Variants in COPB1 observed in about 807,000 individuals in gnomAD.
COPB1 encodes coat protein complex I subunit beta 1, also known as coatomer subunit beta.
A neutral mutation model predicts 108.7 loss-of-function variants in COPB1; 21 were observed. That is an observed-to-expected ratio of 0.19 (90% CI 0.14 to 0.28). The LOEUF (loss-of-function observed/expected upper bound fraction) is 0.28, where lower values mean the gene tolerates loss of function less well. COPB1 is among the 10% of genes least tolerant of loss of function. The pLI, the probability that COPB1 is intolerant of heterozygous loss-of-function variation, is 1.00. For synonymous variants in COPB1, 378 were observed against 386.8 expected (o/e 0.98, Z 0.27); for missense variants, 919 against 1,141.3 (o/e 0.81, Z 2.81).
Position 14,498,969 on chromosome 11 carries a change from T to A in COPB1, c.-41A>T. 6.7e-7 allele frequency: 1 copy of A among 1,484,724 alleles called. No homozygotes were observed. The highest frequency in any genetic ancestry group is 9.2e-7 in the Non-Finnish European group (1 of 1,088,648). 92.0% of individuals were successfully genotyped at this position (1,484,724 alleles called of 1,614,324 possible). A position where few individuals can be genotyped will look rare whatever the true frequency, so the allele number is the denominator to read the frequency against. On this transcript the variant is annotated 5_prime_UTR_variant, in exon 2 of 22. Coordinates refer to ENST00000439561, the MANE Select transcript of COPB1 (RefSeq NM_001144061.2). ...TATAACCAATCCTTGACACAAGATT[T>A]AAGGATGCCAGAAAATCTAGAAAAA...
intron 9 of COPB1, 25 bp from the exon 10 acceptor site, chr11:14,480,930 TGA>T: frequency 6.2e-7 from 1 of 1,613,496 alleles, no homozygotes. Context: ...TAAAAATAAG[TGA>T]GAGTTACATC....
chr11:14,472,296 A>C (rs1444038296), intron 14 of COPB1, among the ~76,000 whole-genome samples: 1 of 152,240 alleles, frequency 6.6e-6, no homozygotes, highest in Non-Finnish European at 1.5e-5. Context: ...GTCAATGAAC[A>C]GTAATATTTT....
chr11:14,473,770 A>G, intron 14 of COPB1, among the ~76,000 whole-genome samples: 1 of 152,026 alleles, frequency 6.6e-6, no homozygotes, highest in East Asian at 1.9e-4. Context: ...TGAAGTGAGC[A>G]TATGCTTATT....
chr11:14,483,041 T>C lies in COPB1; in HGVS notation c.948A>G (p.Arg316=). 6.4e-7 allele frequency: 1 copy of C among 1,567,400 alleles called. No individual in the cohort carries two copies. The highest frequency in any genetic ancestry group is 8.7e-7 in the Non-Finnish European group (1 of 1,146,116). ...IELKEHPAHE[R]VLQDLVMDIL... The stretch of plus-strand genomic sequence containing the variant: ...TTCAGATAACACTTACCTGTAGTAC[T>C]CGTTCATGAGCAGGATGCTCTTTTA... Residue 316 remains arginine, a synonymous_variant, in exon 8 of 22, where the codon CGA becomes CGG. Coordinates refer to ENST00000439561, the MANE Select transcript of COPB1 (RefSeq NM_001144061.2).
At position 14,457,794 on chromosome 11, in the gene COPB1, T is replaced by C. The variant is rs755010104; in HGVS notation, c.*30A>G. The C allele has an allele frequency of 2.8e-6, 4 of 1,423,282 alleles. No homozygotes were observed. Among genetic ancestry groups the C allele is most frequent in the South Asian group, 2.3e-5 (2 of 85,974 alleles). 88.2% of individuals were successfully genotyped at this position (1,423,282 alleles called of 1,614,324 possible). ...CCAGTAAGCCCATACCTAAATTAAC[T>C]GTAAAGCTTCAAGGACTTTTTGTTT... is the stretch of plus-strand genomic sequence containing the variant. On this transcript the variant is annotated 3_prime_UTR_variant, in exon 22 of 22. Coordinates refer to ENST00000439561, the MANE Select transcript of COPB1 (RefSeq NM_001144061.2).
intron 20 of COPB1, among the ~76,000 whole-genome samples, chr11:14,459,764 G>A (rs968430893): frequency 4.0e-5 from 6 of 151,840 alleles, no homozygotes; most frequent in Admixed American, 1.3e-4. Flanking sequence ...TTACAGGCAC[G>A]TGCCACCACA....
chr11:14,478,135 T>C (rs1441800498), intron 11 of COPB1, among the ~76,000 whole-genome samples: 1 of 152,106 alleles, frequency 6.6e-6, no homozygotes, highest in African/African-American at 2.4e-5. Context: ...AGATTAAAAG[T>C]AAAATAACTG....
chr11:14,465,939 T>C (rs1850271860), intron 17 of COPB1, among the ~76,000 whole-genome samples: 1 of 152,184 alleles, frequency 6.6e-6, no homozygotes, highest in South Asian at 2.1e-4. Flanking sequence ...ATTCAGAAAA[T>C]ACTTAGTTCT....
rs756814108 is a variant in COPB1, at chr11:14,458,612, T to G, written c.2722A>C (p.Asn908His). Residue 908 changes from asparagine (N) to histidine (H), a missense_variant, in exon 21 of 22, where the codon AAT (asparagine) becomes CAT (histidine). Physicochemically the swap from Asn to His is moderately conservative, Grantham distance 68. This residue lies in a region of COPB1 where 705 missense variants were observed against 817.8 expected (regional missense o/e 0.86). Transcript: ENST00000439561. ...RSIFGEDALA[N>H]VSIEKPIHQG... ...TGAATTGGCTTCTCAATGCTGACAT[T>G]TGCAAGTGCATCTTCACCAAATATG... 3 of 1,614,004 alleles carry G rather than the reference T, an allele frequency of 1.9e-6. No individual in the cohort carries two copies. Among genetic ancestry groups the G allele is most frequent in the Non-Finnish European group, 2.5e-6 (3 of 1,179,984 alleles).
At chr11:14,495,204 T>G (rs531584470) in intron 2 of COPB1, among the ~76,000 whole-genome samples, 5 of 152,348 alleles carry the variant, frequency 3.3e-5, no homozygotes, top group African/African-American at 1.2e-4. Flanking sequence ...GAATTTATAG[T>G]ACTAAAAATC....
intron 15 of COPB1, 138 bp downstream of exon 15, chr11:14,469,198 T>C (rs1392849415): frequency 1.4e-6 from 1 of 720,776 alleles, no homozygotes; most frequent in African/African-American, 1.7e-5. Flanking sequence ...GGGCTTGCTA[T>C]GTAGCCCACA....
At chr11:14,467,902 G>C (rs550525715) in intron 16 of COPB1, among the ~76,000 whole-genome samples, 1 of 152,242 alleles carries the variant, frequency 6.6e-6, no homozygotes. Context: ...GGGGAAGTAG[G>C]AATGACGAGT....
chr11:14,467,636 G>C (rs1116739), intron 16 of COPB1, among the ~76,000 whole-genome samples: 105,129 of 152,102 alleles, frequency 0.69, 36,807 homozygotes, highest in African/African-American at 0.79. Context: ...CAGAAGCAAT[G>C]CACATATCCA....
At chr11:14,489,774 C>T (rs1450821878) in intron 5 of COPB1, among the ~76,000 whole-genome samples, 5 of 151,762 alleles carry the variant, frequency 3.3e-5, no homozygotes, top group East Asian at 1.9e-4. Context: ...TTTTGCAAGA[C>T]AAAAAAAGTT....
intron 11 of COPB1, among the ~76,000 whole-genome samples, chr11:14,477,820 A>G (rs942154498): frequency 6.0e-5 from 9 of 150,234 alleles, no homozygotes; most frequent in African/African-American, 2.0e-4. Flanking sequence ...TCGCTTGAAC[A>G]TGAGAGGCGG....
chr11:14,459,525 G>A (rs1183233073), intron 20 of COPB1, among the ~76,000 whole-genome samples: 3 of 151,928 alleles, frequency 2.0e-5, no homozygotes, highest in Admixed American at 6.6e-5. Flanking sequence ...GTATAACAAC[G>A]ATTCTGTATT....
At chr11:14,491,638 G>A (rs1850906735) in intron 4 of COPB1, among the ~76,000 whole-genome samples, 2 of 146,658 alleles carry the variant, frequency 1.4e-5, no homozygotes, top group Admixed American at 1.4e-4. Context: ...CATTGCACTC[G>A]AGCCTGGGCG....
chr11:14,495,365 A>G (rs954980387), intron 2 of COPB1, among the ~76,000 whole-genome samples: 1 of 152,218 alleles, frequency 6.6e-6, no homozygotes, highest in Admixed American at 6.5e-5. Context: ...TATGAGGAAA[A>G]GAACTACAAC....
At position 14,493,743 on chromosome 11, in the gene COPB1, T is replaced by G; in HGVS notation, c.390A>C (p.Ala130=). Residue 130 remains alanine (A), a synonymous_variant, in exon 4 of 22, where the codon GCA becomes GCC. Transcript: ENST00000439561. Reference sequence around the variant, plus strand: ...CTGGCATTAAAGGTTCTAGCAATTCTGCTTCTTTCAATTTGCAAAGAAAAC... The same window carrying G: ...CTGGCATTAAAGGTTCTAGCAATTCGGCTTCTTTCAATTTGCAAAGAAAAC... ...TLRFLCKLKE[A]ELLEPLMPAI... is the part of the protein sequence containing the mutation. The G allele has an allele frequency of 1.2e-6, 2 of 1,613,662 alleles. No homozygotes were observed. The highest frequency in any genetic ancestry group is 1.7e-6 in the Non-Finnish European group (2 of 1,179,822).
Sources: gnomAD v4.1 joint callset for allele counts (sites outside exome capture counted in the v4.1 genomes callset) on GRCh38, gnomAD v4.1.1 for gene constraint, gnomAD v4.1.1 regional missense constraint, MANE v1.5 for transcripts, NCBI Gene and HGNC (gene_info 2026-07-23, HGNC 2026-07-21) for gene names.